The following KCNC2 variants were observed in gnomAD, a reference collection of about 807,000 sequenced individuals.
The protein encoded by KCNC2 is potassium voltage-gated channel subfamily C member 2.
KCNC2 carries 21 observed loss-of-function variants against 44.5 expected under a neutral mutation model. The observed-to-expected ratio is 0.47, with a 90% CI of 0.33 to 0.68. The LOEUF is 0.68. Ranked by LOEUF, KCNC2 falls within the 30% of genes least tolerant of loss-of-function variation. The pLI, the probability that KCNC2 is intolerant of heterozygous loss-of-function variation, is 0.01. For missense variants in KCNC2, 589 were observed against 826.2 expected, an observed-to-expected ratio of 0.71 and a Z score of 3.52; for synonymous variants, 391 against 339.1, an observed-to-expected ratio of 1.15 and a Z score of -1.68.
At chr12:75,153,201 G>A (rs1289705325) in intron 2 of KCNC2, among the ~76,000 whole-genome samples, 1 of 152,018 alleles carries the variant, frequency 6.6e-6, no homozygotes, top group Non-Finnish European at 1.5e-5. Flanking sequence ...AAGACATGGT[G>A]TGTTCCTAAG....
chr12:75,135,164 CA>C (rs1368094111), intron 2 of KCNC2, among the ~76,000 whole-genome samples: 1 of 151,458 alleles, frequency 6.6e-6, no homozygotes, highest in Non-Finnish European at 1.5e-5. Flanking sequence ...AGTTACATAG[CA>C]AATGTGAATA....
At chr12:75,155,364 T>G (rs551168682) in intron 2 of KCNC2, among the ~76,000 whole-genome samples, 1 of 151,502 alleles carries the variant, frequency 6.6e-6, no homozygotes, top group Admixed American at 6.6e-5. Flanking sequence ...CAAAGAAAAC[T>G]AAGAATAGGA....
At chr12:75,093,653 AT>A (rs1451740005) in intron 2 of KCNC2, among the ~76,000 whole-genome samples, 1 of 151,662 alleles carries the variant, frequency 6.6e-6, no homozygotes, top group Non-Finnish European at 1.5e-5. Flanking sequence ...TTGGGCCTTC[AT>A]TTAGATATGC....
At chr12:75,186,092 TA>T (rs1156688030) in intron 2 of KCNC2, among the ~76,000 whole-genome samples, 12 of 143,372 alleles carry the variant, frequency 8.4e-5, no homozygotes, top group African/African-American at 3.0e-4. Flanking sequence ...AATAAATAAA[TA>T]AAAATTTTAT....
At chr12:75,092,390 T>C (rs1271176985) in intron 2 of KCNC2, among the ~76,000 whole-genome samples, 1 of 151,692 alleles carries the variant, frequency 6.6e-6, no homozygotes, top group African/African-American at 2.4e-5. Flanking sequence ...AAAGTTTTGA[T>C]AATTAAATAG....
intron 2 of KCNC2, among the ~76,000 whole-genome samples, chr12:75,089,721 G>T (rs1283156367): frequency 3.3e-5 from 5 of 151,784 alleles, no homozygotes; most frequent in African/African-American, 1.2e-4. Context: ...TGTTGTTTCA[G>T]ATTAAAATAT....
chr12:75,086,246 G>A (rs1389971199), intron 2 of KCNC2, among the ~76,000 whole-genome samples: 1 of 151,956 alleles, frequency 6.6e-6, no homozygotes, highest in Non-Finnish European at 1.5e-5. Context: ...GGGGTCAATA[G>A]GTCAGAAGTC....
chr12:75,189,925 G>T (rs2030033914), intron 2 of KCNC2, among the ~76,000 whole-genome samples: 1 of 152,136 alleles, frequency 6.6e-6, no homozygotes, highest in Non-Finnish European at 1.5e-5. Context: ...AGACTCTTCT[G>T]TCCCCACCTC....
In KCNC2 at chr12:75,050,855, G is replaced by A; in HGVS notation, c.1150C>T (p.Leu384=). 1.2e-6 allele frequency: 2 copies of A among 1,613,388 alleles called. No homozygotes were observed. Among genetic ancestry groups the A allele is most frequent in the South Asian group, 1.1e-5 (1 of 91,054 alleles). The stretch of plus-strand genomic sequence containing the variant: ...CCTAGAGCCAGGAAAATTATCAGCA[G>A]CAAAAATTCATTAGTACTAGCTCGA... The part of the protein sequence containing the change: ...TLRASTNEFL[L]LIIFLALGVL... Residue 384 remains leucine (L), a synonymous_variant, in exon 3 of 5, where the codon CTG becomes TTG. Transcript: ENST00000549446.
chr12:75,140,138 G>A (rs1287865687), intron 2 of KCNC2: 1 of 152,296 alleles, frequency 6.6e-6, no homozygotes, highest in African/African-American at 2.4e-5. Context: ...TGGGCACAGT[G>A]TTCTCACTTA....
At chr12:75,144,949 A>T (rs985855923) in intron 2 of KCNC2, among the ~76,000 whole-genome samples, 1 of 146,004 alleles carries the variant, frequency 6.8e-6, no homozygotes, top group African/African-American at 2.6e-5. Context: ...ATGAGAGAGT[A>T]AAAAAAAAAG....
At chr12:75,123,744 A>C (rs2137299104) in intron 2 of KCNC2, among the ~76,000 whole-genome samples, 1 of 152,166 alleles carries the variant, frequency 6.6e-6, no homozygotes, top group African/African-American at 2.4e-5. Context: ...AAACTTGGAG[A>C]CCTGATTCTC....
At chr12:75,067,755 G>A (rs535783523) in intron 2 of KCNC2, among the ~76,000 whole-genome samples, 59 of 152,036 alleles carry the variant, frequency 3.9e-4, no homozygotes, top group Non-Finnish European at 6.8e-4. Context: ...TCCTCTCGCT[G>A]TAACTCCCTA....
intron 2 of KCNC2, among the ~76,000 whole-genome samples, chr12:75,127,077 A>G (rs1456392644): frequency 6.6e-6 from 1 of 152,132 alleles, no homozygotes; most frequent in African/African-American, 2.4e-5. Flanking sequence ...TGTCTCAGTT[A>G]GTGTTTTGGG....
At chr12:75,148,754 T>C (rs1015054811) in intron 2 of KCNC2, among the ~76,000 whole-genome samples, 12 of 151,944 alleles carry the variant, frequency 7.9e-5, no homozygotes, top group African/African-American at 2.9e-4. Flanking sequence ...TTAAAGAACA[T>C]TGAAACTTTT....
chr12:75,069,883 A>G (rs1360107904), intron 2 of KCNC2, among the ~76,000 whole-genome samples: 1 of 152,172 alleles, frequency 6.6e-6, no homozygotes, highest in Non-Finnish European at 1.5e-5. Flanking sequence ...CAGAGGGTCA[A>G]CTTACTATGT....
At chr12:75,118,581 C>A (rs907742141) in intron 2 of KCNC2, among the ~76,000 whole-genome samples, 5 of 151,754 alleles carry the variant, frequency 3.3e-5, no homozygotes, top group African/African-American at 1.2e-4. Context: ...ACCAGTGGGG[C>A]CAGAATGCTG....
intron 2 of KCNC2, among the ~76,000 whole-genome samples, chr12:75,078,783 T>A (rs1024115644): frequency 2.0e-5 from 3 of 152,118 alleles, no homozygotes; most frequent in African/African-American, 7.2e-5. Context: ...CTTGAAGGTG[T>A]TGTGAATATA....
intron 2 of KCNC2, among the ~76,000 whole-genome samples, chr12:75,201,514 T>C (rs1017299629): frequency 6.6e-6 from 1 of 151,812 alleles, no homozygotes; most frequent in African/African-American, 2.4e-5. Flanking sequence ...GAAATCAAGA[T>C]TTAGGAAGAT....
Sources: allele counts gnomAD v4.1 joint callset (sites outside exome capture counted in the v4.1 genomes callset), GRCh38; gene constraint gnomAD v4.1.1; transcripts MANE v1.5; gene names NCBI Gene and HGNC (gene_info 2026-07-23, HGNC 2026-07-21).